Variants in SKAP1 observed in about 807,000 individuals in gnomAD.
SKAP1 encodes the protein src kinase associated phosphoprotein 1.
In SKAP1, 44 loss-of-function variants were observed where a neutral mutation model predicts 58.5. The observed-to-expected ratio is 0.75, with a 90% CI of 0.59 to 0.97. The LOEUF is 0.97. SKAP1 is among the 50% of genes least tolerant of loss of function. The pLI, the probability that SKAP1 is intolerant of heterozygous loss-of-function variation, is 0.00. For synonymous variants in SKAP1, 127 were observed against 149.7 expected (o/e 0.85, Z 1.11); for missense variants, 390 against 435.2 (o/e 0.90, Z 0.92).
At chr17:48,258,513 A>G (rs190340639) in intron 4 of SKAP1, among the ~76,000 whole-genome samples, 74 of 152,270 alleles carry the variant, frequency 4.9e-4, no homozygotes, top group African/African-American at 1.6e-3. Context: ...AATGCACTGC[A>G]TGTTAACAAG....
rs1282843304 is a variant in SKAP1 at position 48,329,489 on chromosome 17, G to C, written c.280+16416C>G. Among the ~76,000 whole-genome samples, 5 of 152,342 alleles carry C rather than the reference G, an allele frequency of 3.3e-5. No homozygotes were observed. In the East Asian group the frequency reaches 9.6e-4, roughly 29 times the overall value. The stretch of plus-strand genomic sequence containing the variant: ...GGAGGCCAAGGCGGGAGGATCACTT[G>C]AAGTCAGGAGTTCGAGATCAGCCTG... On this transcript the variant is annotated intron_variant, in intron 4 of 12. Coordinates refer to ENST00000336915, the MANE Select transcript of SKAP1 (RefSeq NM_003726.4).
At chr17:48,363,594 A>G (rs1380369405) in intron 3 of SKAP1, among the ~76,000 whole-genome samples, 195 bp downstream of exon 3, 1 of 152,234 alleles carries the variant, frequency 6.6e-6, no homozygotes, top group African/African-American at 2.4e-5. Flanking sequence ...CAGAAGGAGG[A>G]AGCATAGAGC....
intron 1 of SKAP1, among the ~76,000 whole-genome samples, chr17:48,424,815 C>T (rs1407354956): frequency 6.6e-6 from 1 of 151,246 alleles, no homozygotes; most frequent in African/African-American, 2.4e-5. Context: ...GCCTGTAGTC[C>T]CAGCTACTCA....
At chr17:48,306,339 C>T (rs551924068) in intron 4 of SKAP1, among the ~76,000 whole-genome samples, 13 of 152,182 alleles carry the variant, frequency 8.5e-5, no homozygotes, top group African/African-American at 2.7e-4. Context: ...TTCTATGAAA[C>T]CTCCCACACC....
Position 48,239,278 on chromosome 17 carries a change from C to G in SKAP1, c.281-49778G>C, listed in dbSNP as rs2938481. 2.8e-3 allele frequency among the ~76,000 whole-genome samples: 432 copies of G among 152,272 alleles called. 4 individuals are homozygous for G. The East Asian group carries it at 0.042, about 15-fold the overall frequency. On this transcript the variant is annotated intron_variant, in intron 4 of 12. Coordinates refer to ENST00000336915, the MANE Select transcript of SKAP1 (RefSeq NM_003726.4). ...ACAATCTGCCCTTCAGTATCTCAGACCCAGGCTGAGGGCAGATCTAGTGAC... is the reference window on the plus strand; with the variant it reads ...ACAATCTGCCCTTCAGTATCTCAGAGCCAGGCTGAGGGCAGATCTAGTGAC...
chr17:48,406,258 C>T (rs894187271), intron 1 of SKAP1, among the ~76,000 whole-genome samples: 10 of 150,060 alleles, frequency 6.7e-5, no homozygotes, highest in Non-Finnish European at 8.9e-5. Flanking sequence ...AGCAAGACTC[C>T]GTCTCAAAAA....
At position 48,198,912 on chromosome 17, in the gene SKAP1, A is replaced by G. The variant is rs113437116; in HGVS notation, c.281-9412T>C. 1.6e-3 allele frequency among the ~76,000 whole-genome samples: 242 copies of G among 152,336 alleles called. 1 individual carries two copies. The highest frequency in any genetic ancestry group is 5.0e-3 in the African/African-American group (209 of 41,582). ...TACAAATTAAGGCAGAAATCCTTCA[A>G]TGGTCTCATGATTCTAAAAAGGAGA... On this transcript the variant is annotated intron_variant, in intron 4 of 12. Transcript: ENST00000336915.
chr17:48,158,170 T>A, intron 11 of SKAP1, among the ~76,000 whole-genome samples: 1 of 81,506 alleles, frequency 1.2e-5, no homozygotes, highest in Non-Finnish European at 2.2e-5. Flanking sequence ...AGAGCAAAAC[T>A]CTGTCTCAAA....
intron 4 of SKAP1, among the ~76,000 whole-genome samples, chr17:48,339,553 T>C (rs2066619275): frequency 1.3e-5 from 2 of 152,174 alleles, no homozygotes; most frequent in Admixed American, 1.3e-4. Flanking sequence ...TAGGGTCCTA[T>C]TGGTGCTAGA....
chr17:48,196,191 A>G (rs1049649340), intron 4 of SKAP1, among the ~76,000 whole-genome samples: 3 of 152,186 alleles, frequency 2.0e-5, no homozygotes, highest in Non-Finnish European at 4.4e-5. Context: ...GCTGTTTCCA[A>G]TACTCTGAGC....
chr17:48,430,220 A>C, upstream of SKAP1: 9 of 813,292 alleles, frequency 1.1e-5, no homozygotes, highest in South Asian at 5.8e-5. Flanking sequence ...CCTGTACCTC[A>C]GCCGCGGTCG....
intron 4 of SKAP1, among the ~76,000 whole-genome samples, chr17:48,314,178 C>T (rs1482954854): frequency 1.3e-5 from 2 of 152,144 alleles, no homozygotes; most frequent in African/African-American, 4.8e-5. Context: ...AGAAATTGTT[C>T]TCACTTCTTT....
chr17:48,232,219 G>A (rs1264145327), intron 4 of SKAP1, among the ~76,000 whole-genome samples: 1 of 152,226 alleles, frequency 6.6e-6, no homozygotes, highest in Admixed American at 6.5e-5. Context: ...GTGCAAATGG[G>A]ACTCAGGAAT....
At chr17:48,410,647 T>G (rs1043582311) in intron 1 of SKAP1, among the ~76,000 whole-genome samples, 27 of 150,120 alleles carry the variant, frequency 1.8e-4, no homozygotes, top group Admixed American at 1.4e-3. Flanking sequence ...GCGCAGGAGG[T>G]CGGGCGTAGT....
rs769494803 is a variant in SKAP1 at position 48,189,544 on chromosome 17, A to T, written c.281-44T>A. The T allele has an allele frequency of 5.5e-6, 8 of 1,445,298 alleles. No individual in the cohort carries two copies. The Admixed American group carries it at 1.3e-4, about 23-fold the overall frequency. 89.5% of individuals were successfully genotyped at this position (1,445,298 alleles called of 1,614,324 possible). ...AAATGCTTTATTGAAACCTGGCAAA[A>T]TTTTCATTTATTTAGGCTACTTTAG... On this transcript the variant is annotated intron_variant, in intron 4 of 12. Transcript: ENST00000336915.
intron 4 of SKAP1, among the ~76,000 whole-genome samples, chr17:48,286,754 T>G (rs2065834778): frequency 1.3e-5 from 2 of 152,232 alleles, no homozygotes; most frequent in Non-Finnish European, 2.9e-5. Context: ...AGCTTACTAG[T>G]TGCTTCCCCA....
At chr17:48,189,530 T>C (rs1399164369) in intron 4 of SKAP1, 30 bp from the exon 5 acceptor site, 2 of 1,560,170 alleles carry the variant, frequency 1.3e-6, no homozygotes, top group East Asian at 2.2e-5. Context: ...AATGCTTTAT[T>C]GAAACCTGGC....
At chr17:48,253,238 A>G (rs923089526) in intron 4 of SKAP1, among the ~76,000 whole-genome samples, 5 of 152,228 alleles carry the variant, frequency 3.3e-5, no homozygotes, top group African/African-American at 1.2e-4. Context: ...GTCCCCTCTA[A>G]GATTCCAGGG....
At chr17:48,358,009 C>T (rs1460423999) in intron 3 of SKAP1, among the ~76,000 whole-genome samples, 3 of 152,108 alleles carry the variant, frequency 2.0e-5, no homozygotes, top group Non-Finnish European at 4.4e-5. Context: ...CCCCAAAAGA[C>T]ATGAAAAACA....
Sources: allele counts gnomAD v4.1 joint callset (sites outside exome capture counted in the v4.1 genomes callset), GRCh38; gene constraint gnomAD v4.1.1; transcripts MANE v1.5; gene names NCBI Gene and HGNC (gene_info 2026-07-23, HGNC 2026-07-21).